MUC5AC: variants seen among roughly 807,000 people sequenced by gnomAD.
MUC5AC encodes the protein mucin-5AC.
MUC5AC carries 158 observed loss-of-function variants against 169.7 expected under a neutral mutation model. The observed-to-expected ratio is 0.93, with a 90% CI of 0.82 to 1.06. The LOEUF (loss-of-function observed/expected upper bound fraction) is 1.06. MUC5AC is among the 50% of genes least tolerant of loss of function. The pLI is 0.00. For missense variants in MUC5AC, 4,359 were observed against 3,089.9 expected, an observed-to-expected ratio of 1.41 and a Z score of -9.74; for synonymous variants, 1,975 against 1,237.0, an observed-to-expected ratio of 1.60 and a Z score of -12.52.
intron 26 of MUC5AC, 120 bp from the exon 27 acceptor site, chr11:1,179,902 C>T: frequency 2.5e-6 from 1 of 397,574 alleles, no homozygotes; most frequent in Non-Finnish European, 4.4e-6. Flanking sequence ...CTCCCCTGTC[C>T]CCATCTTGTG....
intron 28 of MUC5AC, 26 bp from the exon 29 acceptor site, chr11:1,181,113 G>A (rs924408476): frequency 1.5e-5 from 6 of 398,398 alleles, no homozygotes; most frequent in Middle Eastern, 6.2e-4. Flanking sequence ...CCCACGCATC[G>A]GCCTGCCCTT....
chr11:1,173,449 TCACTCACTCATCCACTCACTCATC>T (rs1207915549), intron 16 of MUC5AC, among the ~76,000 whole-genome samples: 2 of 151,480 alleles, frequency 1.3e-5, no homozygotes, highest in East Asian at 3.9e-4. Context: ...ACTCATCCAC[TCACTCACTCATCCACTCACTCATC>T]CACTCACTCA....
At position 1,168,479 on chromosome 11, in the gene MUC5AC, T is replaced by G. The variant is rs1291775127; in HGVS notation, c.1498-4T>G. ...CGCTCACACATCTGTCTGGCTGCCC[T>G]CAGGTGGTGGTGATCAAGGCCAGTG... On this transcript the variant is annotated splice_region_variant and splice_polypyrimidine_tract_variant and intron_variant, in intron 12 of 48. Coordinates refer to ENST00000621226, the MANE Select transcript of MUC5AC (RefSeq NM_001304359.2). The G allele has an allele frequency of 6.2e-7, 1 of 1,611,888 alleles. No individual in the cohort carries two copies. Among genetic ancestry groups the G allele is most frequent in the Non-Finnish European group, 8.5e-7 (1 of 1,179,610 alleles).
At position 1,182,550 on chromosome 11, in the gene MUC5AC, T is replaced by C. The variant is rs1044947824; in HGVS notation, c.4405T>C (p.Tyr1469His). The change falls in exon 31 of 49, where the codon TAC (tyrosine) becomes CAC (histidine). Residue 1469 changes from tyrosine (Y) to histidine (H), a missense_variant. Coordinates refer to ENST00000621226, the MANE Select transcript of MUC5AC (RefSeq NM_001304359.2). The part of the protein sequence containing the change: ...REQASGLCYN[Y>H]QIRVQCCTPL... ...GCAGGCATCGGGGCTCTGCTACAAC[T>C]ACCAGATCAGGGTCCAGTGCTGCAC... is the stretch of plus-strand genomic sequence containing the variant. The C allele has an allele frequency of 3.2e-4, 129 of 398,620 alleles. No individual in the cohort carries two copies. The East Asian group carries it at 4.2e-3, about 13-fold the overall frequency. The allele number at this position is 398,620 out of a possible 1,614,324, so 24.7% of individuals were successfully genotyped here. A position where few individuals can be genotyped will look rare whatever the true frequency, so the allele number is the denominator to read the frequency against.
At chr11:1,181,860 G>A (rs940041354) in intron 30 of MUC5AC, among the ~76,000 whole-genome samples, 58 of 152,354 alleles carry the variant, frequency 3.8e-4, no homozygotes, top group African/African-American at 1.4e-3. Context: ...GGGCCCCAAG[G>A]CATCATCTGA....
chr11:1,193,469 C>A lies in MUC5AC; in HGVS notation c.14581-16C>A. On this transcript the variant is annotated splice_polypyrimidine_tract_variant and intron_variant, in intron 32 of 48. Coordinates refer to ENST00000621226, the MANE Select transcript of MUC5AC (RefSeq NM_001304359.2). ...TCGGGAGAGGCCGGACCCTGCAGGT[C>A]TCTGTGCTTCTGCAGAAAGGTGAGA... 1.4e-6 allele frequency: 1 copy of A among 715,580 alleles called. No individual in the cohort carries two copies. Among genetic ancestry groups the A allele is most frequent in the South Asian group, 1.5e-5 (1 of 68,644 alleles). 44.3% of individuals were successfully genotyped at this position (715,580 alleles called of 1,614,324 possible). A position where few individuals can be genotyped will look rare whatever the true frequency, so the allele number is the denominator to read the frequency against.
chr11:1,196,843 G>C (rs1325147756), intron 39 of MUC5AC, 34 bp from the exon 40 acceptor site: 1 of 759,626 alleles, frequency 1.3e-6, no homozygotes, highest in African/African-American at 1.7e-5. Flanking sequence ...TGTGGTGGCT[G>C]ACCCCCAGTA....
Position 1,165,676 on chromosome 11 carries a change from C to T in MUC5AC, c.1302C>T (p.Cys434=). Residue 434 remains cysteine (C), a synonymous_variant, in exon 11 of 49, where the codon TGC becomes TGT. Coordinates refer to ENST00000621226, the MANE Select transcript of MUC5AC (RefSeq NM_001304359.2). ...SCQEVPCPGT[C]SVLGGAHFST... ...AGGAGGTTCCATGCCCGGGTACCTG[C>T]TCTGTGCTTGGAGGTGCCCACTTCT... The T allele has an allele frequency of 6.2e-7, 1 of 1,612,502 alleles. No individual in the cohort carries two copies.
chr11:1,198,205 A>G lies in MUC5AC; in HGVS notation c.16136-63A>G, dbSNP rs1196235864. 4 of 715,120 alleles carry G rather than the reference A, an allele frequency of 5.6e-6. No homozygotes were observed. The African/African-American group carries it at 6.9e-5, about 12-fold the overall frequency. 44.3% of individuals were successfully genotyped at this position (715,120 alleles called of 1,614,324 possible). ...GCGCCCAGGAGGCTGCAGGGGCGGGAATGCTGAGGGTGAGGGGAGAGTGGG... is the reference window on the plus strand; with the variant it reads ...GCGCCCAGGAGGCTGCAGGGGCGGGGATGCTGAGGGTGAGGGGAGAGTGGG... On this transcript the variant is annotated intron_variant, in intron 42 of 48. Transcript: ENST00000621226.
In MUC5AC at chr11:1,162,641, C is replaced by T. The variant is rs771341244; in HGVS notation, c.583C>T (p.Leu195=). Residue 195 remains leucine (L), a synonymous_variant, in exon 5 of 49, where the codon CTG becomes TTG. Transcript: ENST00000621226. Reference sequence around the variant, plus strand: ...CCTCATGTGGAACCACGATGACAGCCTGCTGGTGAGGCTGGGTGGGGGTGT... The same window carrying T: ...CCTCATGTGGAACCACGATGACAGCTTGCTGGTGAGGCTGGGTGGGGGTGT... ...LVLMWNHDDS[L]LLELDTKYAN... The T allele has an allele frequency of 6.2e-7, 1 of 1,612,468 alleles. No individual in the cohort carries two copies. Among genetic ancestry groups the T allele is most frequent in the Non-Finnish European group, 8.5e-7 (1 of 1,179,714 alleles).
At chr11:1,168,461 A>C in intron 12 of MUC5AC, 22 bp from the exon 13 acceptor site, 1 of 1,610,690 alleles carries the variant, frequency 6.2e-7, no homozygotes. Context: ...CCGCGCTCAC[A>C]CATCTGTCTG....
rs1861065468 is a variant in MUC5AC at position 1,190,619 on chromosome 11, A to C, written c.12474A>C (p.Thr4158=). The C allele has an allele frequency of 4.3e-6, 3 of 695,010 alleles. No individual in the cohort carries two copies. Among genetic ancestry groups the C allele is most frequent in the African/African-American group, 1.8e-5 (1 of 56,940 alleles). The allele number at this position is 695,010 out of a possible 1,614,324, so 43.1% of individuals were successfully genotyped here. ...GPTTSTTLAP[T]TSTTSAPTTS... ...CAACCAGCACAACCTTGGCTCCTAC[A>C]ACCAGCACAACCTCTGCTCCAACAA... The change falls in exon 31 of 49, where the codon ACA becomes ACC. Residue 4158 remains threonine, a synonymous_variant. Transcript: ENST00000621226.
chr11:1,200,628 G>A lies in MUC5AC; in HGVS notation c.16891G>A (p.Ala5631Thr). ...APGDTQHSEE[A>T]EPEPSQEAES... ...GGGCGACACCCAGCACTCGGAGGAG[G>A]CGGAACCCGAGCCCAGCCAGGAGGC... The change falls in exon 49 of 49, where the codon GCG (alanine) becomes ACG (threonine). Residue 5631 changes from alanine (A) to threonine (T), a missense_variant. Physicochemically the swap from Ala to Thr is moderately conservative, Grantham distance 58 (BLOSUM62 0). Coordinates refer to ENST00000621226, the MANE Select transcript of MUC5AC (RefSeq NM_001304359.2). 1 of 764,032 alleles carries A rather than the reference G, an allele frequency of 1.3e-6. No individual in the cohort carries two copies. Among genetic ancestry groups the A allele is most frequent in the East Asian group, 2.4e-5 (1 of 41,200 alleles). The allele number at this position is 764,032 out of a possible 1,614,324, so 47.3% of individuals were successfully genotyped here.
Position 1,187,756 on chromosome 11 carries a change from C to G in MUC5AC, c.9611C>G (p.Thr3204Arg). ...ACAGCCTCTGTTTCAAAGACCAGCACAAGCCATGTTTCCATATCCAAGACA... is the reference window on the plus strand; with the variant it reads ...ACAGCCTCTGTTTCAAAGACCAGCAGAAGCCATGTTTCCATATCCAAGACA... ...TSTASVSKTS[T>R]SHVSISKTTH... Residue 3204 changes from threonine (T) to arginine (R), a missense_variant, in exon 31 of 49, where the codon ACA (threonine) becomes AGA (arginine). Transcript: ENST00000621226. 1.3e-6 allele frequency: 1 copy of G among 764,384 alleles called. No homozygotes were observed. The highest frequency in any genetic ancestry group is 2.4e-6 in the Non-Finnish European group (1 of 417,624). 47.4% of individuals were successfully genotyped at this position (764,384 alleles called of 1,614,324 possible).
chr11:1,159,284 C>A (rs1860052339), intron 1 of MUC5AC, among the ~76,000 whole-genome samples: 1 of 152,154 alleles, frequency 6.6e-6, no homozygotes, highest in African/African-American at 2.4e-5. Context: ...GCAGGCGAAT[C>A]ACAGCTTTCC....
chr11:1,162,148 C>T lies in MUC5AC; in HGVS notation c.453C>T (p.Ser151=), dbSNP rs749675435. ...DGVVIQLTKG[S]VLVNGHPVLL... is the part of the protein sequence containing the mutation. ...TGGTCATCCAGCTGACCAAGGGCTC[C>T]GTCCTGGTCAACGGCCACCCGTGAG... is the stretch of plus-strand genomic sequence containing the variant. The change falls in exon 4 of 49, where the codon TCC becomes TCT. Residue 151 remains serine (S), a synonymous_variant. Transcript: ENST00000621226. 2.6e-5 allele frequency: 42 copies of T among 1,611,284 alleles called. No individual in the cohort carries two copies. The highest frequency in any genetic ancestry group is 1.7e-4 in the Middle Eastern group (1 of 5,986).
In MUC5AC at chr11:1,199,137, G is replaced by T. The variant is rs764699460; in HGVS notation, c.16347G>T (p.Gln5449His). 3.5e-5 allele frequency: 27 copies of T among 764,624 alleles called. No individual in the cohort carries two copies. The East Asian group carries it at 5.6e-4, about 16-fold the overall frequency. 47.4% of individuals were successfully genotyped at this position (764,624 alleles called of 1,614,324 possible). The stretch of plus-strand genomic sequence containing the variant: ...GGCAGTGCTGTGGCACCTGTGTGCA[G>T]GTCGCCTGTGTCACCAACACCAGCA... ...QSGQCCGTCV[Q>H]VACVTNTSKS... The change falls in exon 45 of 49, where the codon CAG (glutamine) becomes CAT (histidine). Residue 5449 changes from glutamine to histidine, a missense_variant. Coordinates refer to ENST00000621226, the MANE Select transcript of MUC5AC (RefSeq NM_001304359.2).
In MUC5AC at chr11:1,190,298, C is replaced by T. The variant is rs1390084199; in HGVS notation, c.12153C>T (p.Cys4051=). The stretch of plus-strand genomic sequence containing the variant: ...ACTACGAGGTGCGTGTGCTCTGCTG[C>T]GAGACCCCCAAAGGCTGCCCCGTGA... ...CLNYEVRVLC[C]ETPKGCPVTS... is the part of the protein sequence containing the mutation. The change falls in exon 31 of 49, where the codon TGC becomes TGT. Residue 4051 remains cysteine (C), a synonymous_variant. Transcript: ENST00000621226. The T allele has an allele frequency of 1.1e-4, 75 of 695,848 alleles. No homozygotes were observed. The highest frequency in any genetic ancestry group is 4.6e-4 in the South Asian group (29 of 62,770). 43.1% of individuals were successfully genotyped at this position (695,848 alleles called of 1,614,324 possible). A position where few individuals can be genotyped will look rare whatever the true frequency, so the allele number is the denominator to read the frequency against.
rs1861148315 is a variant in MUC5AC at position 1,192,473 on chromosome 11, T to C, written c.14328T>C (p.Ala4776=). The C allele has an allele frequency of 2.6e-6, 2 of 764,878 alleles. No individual in the cohort carries two copies. Among genetic ancestry groups the C allele is most frequent in the African/African-American group, 3.4e-5 (2 of 59,140 alleles). 47.4% of individuals were successfully genotyped at this position (764,878 alleles called of 1,614,324 possible). A position where few individuals can be genotyped will look rare whatever the true frequency, so the allele number is the denominator to read the frequency against. ...ASSSVASSSV[A]YSTQTCFCNV... ...GCTCTGTGGCATCCAGCTCTGTGGC[T>C]TACTCCACCCAAACCTGCTTCTGCA... Residue 4776 remains alanine (A), a synonymous_variant, in exon 31 of 49, where the codon GCT becomes GCC. Transcript: ENST00000621226.
Sources: allele counts gnomAD v4.1 joint callset (sites outside exome capture counted in the v4.1 genomes callset), GRCh38; gene constraint gnomAD v4.1.1; transcripts MANE v1.5; gene names NCBI Gene and HGNC (gene_info 2026-07-23, HGNC 2026-07-21).